The following GPSM2 variants were observed in gnomAD, a reference collection of about 807,000 sequenced individuals.
GPSM2 encodes G protein-signaling modulator 2.
Under a neutral mutation model 78.4 loss-of-function variants are expected in GPSM2, and 58 were observed. The ratio of observed to expected loss-of-function variants is 0.74; its 90% CI spans 0.60 to 0.92. The LOEUF (loss-of-function observed/expected upper bound fraction) is 0.92. Among genes scored for constraint, GPSM2 ranks in the 40% least tolerant of loss-of-function variants. The pLI, the probability that GPSM2 is intolerant of heterozygous loss-of-function variation, is 0.00. For missense variants in GPSM2, 700 were observed against 815.5 expected (o/e 0.86, Z 1.73); for synonymous variants, 224 against 280.2 (o/e 0.80, Z 2.00).
At chr1:108,911,343 C>T (rs890918805) in intron 10 of GPSM2, among the ~76,000 whole-genome samples, 2 of 152,086 alleles carry the variant, frequency 1.3e-5, no homozygotes, top group African/African-American at 2.4e-5. Context: ...GCCTGGCCAA[C>T]ATGGTGAGAC....
At chr1:108,890,289 C>T (rs1209242561) in intron 2 of GPSM2, among the ~76,000 whole-genome samples, 2 of 152,164 alleles carry the variant, frequency 1.3e-5, no homozygotes, top group Admixed American at 6.5e-5. Flanking sequence ...TATTGAACTT[C>T]AATGGAATAT....
At chr1:108,915,031 C>T (rs1650072389) in intron 11 of GPSM2, among the ~76,000 whole-genome samples, 1 of 152,072 alleles carries the variant, frequency 6.6e-6, no homozygotes, top group Non-Finnish European at 1.5e-5. Context: ...AAGAAAACAT[C>T]AAGGCTACTT....
At chr1:108,924,683 A>G (rs1389452245) in intron 14 of GPSM2, among the ~76,000 whole-genome samples, 1 of 152,196 alleles carries the variant, frequency 6.6e-6, no homozygotes, top group Non-Finnish European at 1.5e-5. Context: ...TTCCATGCAG[A>G]GACAGCAAGT....
chr1:108,925,696 G>T (rs1424145429), intron 14 of GPSM2, among the ~76,000 whole-genome samples: 1 of 152,156 alleles, frequency 6.6e-6, no homozygotes, highest in Non-Finnish European at 1.5e-5. Flanking sequence ...TGTTCCAGTG[G>T]CATGGTGGGG....
intron 10 of GPSM2, among the ~76,000 whole-genome samples, chr1:108,908,677 A>ACG (rs1171059158): frequency 7.4e-6 from 1 of 135,016 alleles, no homozygotes; most frequent in Non-Finnish European, 1.6e-5. Flanking sequence ...CTCAAAACAC[A>ACG]CGTGCGCGCA....
At position 108,885,309 on chromosome 1, in the gene GPSM2, A is replaced by G. The variant is rs1184660510; in HGVS notation, c.-214A>G. Reference sequence around the variant, plus strand: ...TGAAGTGCTGCTGAAAGGGCCAGAGATGCAAGGATTTGGGATACATTTTGA... The same window carrying G: ...TGAAGTGCTGCTGAAAGGGCCAGAGGTGCAAGGATTTGGGATACATTTTGA... On this transcript the variant is annotated 5_prime_UTR_variant, in exon 2 of 15. The change abolishes an upstream ATG in the 5' untranslated region. Transcript: ENST00000264126. The G allele has an allele frequency of 4.4e-6, 2 of 451,452 alleles. No homozygotes were observed. Among genetic ancestry groups the G allele is most frequent in the East Asian group, 3.5e-5 (1 of 28,548 alleles). 28.0% of individuals were successfully genotyped at this position (451,452 alleles called of 1,614,324 possible). A position where few individuals can be genotyped will look rare whatever the true frequency, so the allele number is the denominator to read the frequency against.
At chr1:108,920,852 A>T (rs1156443622) in intron 12 of GPSM2, among the ~76,000 whole-genome samples, 1 of 152,176 alleles carries the variant, frequency 6.6e-6, no homozygotes, top group Non-Finnish European at 1.5e-5. Flanking sequence ...ATACTTTAGG[A>T]GCCATATGTG....
chr1:108,930,679 G>C lies in GPSM2; in HGVS notation c.*739G>C, dbSNP rs374681264. 1.3e-5 allele frequency: 2 copies of C among 151,912 alleles called. No individual in the cohort carries two copies. Among genetic ancestry groups the C allele is most frequent in the Admixed American group, 1.3e-4 (2 of 15,230 alleles). 9.4% of individuals were successfully genotyped at this position (151,912 alleles called of 1,614,324 possible). ...CGAAGCGGGCGGATCACTTGAGGTC[G>C]GGAGTTTGAGACCAGCCTGGCCAAC... is the stretch of plus-strand genomic sequence containing the variant. On this transcript the variant is annotated 3_prime_UTR_variant, in exon 15 of 15. Transcript: ENST00000264126.
chr1:108,903,244 TA>T lies in GPSM2; in HGVS notation c.1062+18del, dbSNP rs747895969. 227 of 1,408,122 alleles carry T rather than the reference TA, an allele frequency of 1.6e-4. No homozygotes were observed. The highest frequency in any genetic ancestry group is 2.0e-4 in the Non-Finnish European group (203 of 993,146). 87.2% of individuals were successfully genotyped at this position (1,408,122 alleles called of 1,614,324 possible). On this transcript the variant is annotated intron_variant, in intron 9 of 14. Coordinates refer to ENST00000264126, the MANE Select transcript of GPSM2 (RefSeq NM_013296.5). ...GGAAATTTCAAGAGAGGTATGAAAC[TA>T]AAAAAAATGCTGTCTGTGCTATTGT... is the stretch of plus-strand genomic sequence containing the variant.
chr1:108,879,825 G>C (rs374510103), intron 1 of GPSM2, among the ~76,000 whole-genome samples: 18 of 152,192 alleles, frequency 1.2e-4, no homozygotes, highest in Admixed American at 2.6e-4. Context: ...AAAAAAAAAG[G>C]GGGGGCTGAA....
chr1:108,900,379 C>T (rs1039148074), intron 7 of GPSM2, among the ~76,000 whole-genome samples: 1 of 152,052 alleles, frequency 6.6e-6, no homozygotes, highest in Non-Finnish European at 1.5e-5. Context: ...GCTGGGATTA[C>T]AGGTGTCTGC....
intron 14 of GPSM2, among the ~76,000 whole-genome samples, chr1:108,927,748 T>C (rs374567608): frequency 5.3e-5 from 8 of 152,314 alleles, no homozygotes; most frequent in East Asian, 3.9e-4. Context: ...GGTGGGAGGA[T>C]TGCTTGAGCC....
At chr1:108,924,262 G>A in intron 14 of GPSM2, 48 bp downstream of exon 14, 1 of 1,085,742 alleles carries the variant, frequency 9.2e-7, no homozygotes, top group Non-Finnish European at 1.4e-6. Context: ...AGATACCACT[G>A]AAAACATTGG....
intron 12 of GPSM2, among the ~76,000 whole-genome samples, chr1:108,921,263 T>C (rs1424888857): frequency 6.6e-6 from 1 of 151,956 alleles, no homozygotes; most frequent in Non-Finnish European, 1.5e-5. Flanking sequence ...GTATAAAAAA[T>C]ACAAAAATTA....
intron 11 of GPSM2, among the ~76,000 whole-genome samples, chr1:108,916,368 A>C (rs539400623): frequency 1.3e-5 from 2 of 152,322 alleles, no homozygotes; most frequent in Non-Finnish European, 2.9e-5. Context: ...TTATGTGTGA[A>C]TAGTCTTCAA....
Position 108,930,938 on chromosome 1 carries a change from A to G in GPSM2, c.*998A>G. ...ATGCTGGCACACACCTGTAGTCCCA[A>G]CTGCTTAAGAGGCTGAGGCAGGAGG... On this transcript the variant is annotated 3_prime_UTR_variant, in exon 15 of 15. Transcript: ENST00000264126. 1 of 157,178 alleles carries G rather than the reference A, an allele frequency of 6.4e-6. No homozygotes were observed. Among genetic ancestry groups the G allele is most frequent in the South Asian group, 1.9e-4 (1 of 5,398 alleles). The allele number at this position is 157,178 out of a possible 1,614,324, so 9.7% of individuals were successfully genotyped here.
chr1:108,908,877 G>A (rs1385207628), intron 10 of GPSM2, among the ~76,000 whole-genome samples: 4 of 151,318 alleles, frequency 2.6e-5, no homozygotes, highest in Admixed American at 2.6e-4. Flanking sequence ...GGTGGCATGA[G>A]CCTGTCATCC....
chr1:108,929,244 T>C (rs1227910187), intron 14 of GPSM2, among the ~76,000 whole-genome samples: 3 of 152,194 alleles, frequency 2.0e-5, no homozygotes, highest in Non-Finnish European at 4.4e-5. Flanking sequence ...GGTTACAGTT[T>C]GCTGTCCCCT....
chr1:108,906,876 C>T (rs1277084136), intron 10 of GPSM2, among the ~76,000 whole-genome samples: 1 of 152,142 alleles, frequency 6.6e-6, no homozygotes, highest in Non-Finnish European at 1.5e-5. Flanking sequence ...ATAGGCACGA[C>T]CTCCTAGGCT....
Sources: gnomAD v4.1 joint callset for allele counts (sites outside exome capture counted in the v4.1 genomes callset) on GRCh38, gnomAD v4.1.1 for gene constraint, MANE v1.5 for transcripts, NCBI Gene and HGNC (gene_info 2026-07-23, HGNC 2026-07-21) for gene names.